The following KHDC1 variants were observed in gnomAD, a reference collection of about 807,000 sequenced individuals.
The protein encoded by KHDC1 is KH homology domain-containing protein 1.
A neutral mutation model predicts 24.7 loss-of-function variants in KHDC1; 21 were observed. That is an observed-to-expected ratio of 0.85 (90% CI 0.60 to 1.23). KHDC1 has a LOEUF of 1.23. KHDC1 is among the 50% of genes most tolerant of loss of function. The pLI is 0.00. For synonymous variants in KHDC1, 98 were observed against 111.7 expected (o/e 0.88, Z 0.77); for missense variants, 274 against 298.5 (o/e 0.92, Z 0.61).
intron 2 of KHDC1, among the ~76,000 whole-genome samples, chr6:73,246,620 T>A (rs989025252): frequency 6.6e-6 from 1 of 152,186 alleles, no homozygotes; most frequent in Non-Finnish European, 1.5e-5. Context: ...TTCTTTGTAA[T>A]CGAGGTCTTA....
intron 2 of KHDC1, among the ~76,000 whole-genome samples, chr6:73,259,736 A>G (rs1225133118): frequency 6.6e-6 from 1 of 152,122 alleles, no homozygotes; most frequent in Non-Finnish European, 1.5e-5. Context: ...CTCAGTTGAG[A>G]GCTTGACAAG....
At chr6:73,309,920 G>C (rs1432976402) in exon 1 of KHDC1, 1 of 544,970 alleles carries the variant, frequency 1.8e-6, no homozygotes. Context: ...GCCACCGCGA[G>C]AAGTGGGCAC....
intron 2 of KHDC1, chr6:73,276,657 C>A (rs1767305381): frequency 6.6e-6 from 1 of 152,088 alleles, no homozygotes; most frequent in Non-Finnish European, 1.5e-5. Flanking sequence ...CAGAAGGAGA[C>A]CCTATCTCAA....
chr6:73,305,140 A>C (rs1200681766), intron 1 of KHDC1, among the ~76,000 whole-genome samples: 1 of 152,066 alleles, frequency 6.6e-6, no homozygotes, highest in East Asian at 1.9e-4. Flanking sequence ...CGGGAGGCTG[A>C]GGCACGAAAA....
chr6:73,244,701 G>A (rs1562244215), intron 2 of KHDC1, among the ~76,000 whole-genome samples: 1 of 136,792 alleles, frequency 7.3e-6, no homozygotes, highest in Non-Finnish European at 1.6e-5. Context: ...GGGCGGGGGG[G>A]CGGGGGGGGG....
intron 2 of KHDC1, among the ~76,000 whole-genome samples, chr6:73,285,083 G>T (rs1378125254): frequency 6.6e-6 from 1 of 152,118 alleles, no homozygotes; most frequent in Admixed American, 6.6e-5. Flanking sequence ...GACCTCAGGT[G>T]ATCTGCCCAC....
At chr6:73,241,679 G>A (rs1409385713) in exon 5 of KHDC1, 2 of 1,614,148 alleles carry the variant, frequency 1.2e-6, no homozygotes, top group East Asian at 2.2e-5. Flanking sequence ...AGGTGACCAG[G>A]TCATCGTTGG....
intron 2 of KHDC1, chr6:73,263,025 C>G: frequency 9.7e-7 from 1 of 1,026,070 alleles, no homozygotes; most frequent in African/African-American, 1.7e-5. Context: ...CAGGCCTGGG[C>G]CACTCCCTGA....
Position 73,254,730 on chromosome 6 carries a change from C to T in KHDC1, c.207-12200G>A, listed in dbSNP as rs114247707. Among the ~76,000 whole-genome samples, 1,203 of 152,026 alleles carry T rather than the reference C, an allele frequency of 7.9e-3. 16 individuals are homozygous for T. Among genetic ancestry groups the T allele is most frequent in the African/African-American group, 0.027 (1,130 of 41,484 alleles). On this transcript the variant is annotated intron_variant, in intron 2 of 4. Transcript: ENST00000370384. ...GAAACAGGTTTCTTATGGCCAGGAG[C>T]GGTGGCTCATGCCTGTAATCCCGGC... is the stretch of plus-strand genomic sequence containing the variant.
intron 2 of KHDC1, among the ~76,000 whole-genome samples, chr6:73,287,940 G>A (rs868564642): frequency 1.3e-5 from 2 of 152,186 alleles, no homozygotes; most frequent in African/African-American, 4.8e-5. Flanking sequence ...CTACTCCTCT[G>A]GGGTGAAATT....
At chr6:73,292,798 T>C in intron 1 of KHDC1, 1 of 711,980 alleles carries the variant, frequency 1.4e-6, no homozygotes, top group Non-Finnish European at 2.6e-6. Context: ...AACAGGAGTC[T>C]TACACATATA....
chr6:73,305,876 C>T (rs1333463797), intron 1 of KHDC1, among the ~76,000 whole-genome samples: 1 of 152,118 alleles, frequency 6.6e-6, no homozygotes, highest in East Asian at 1.9e-4. Context: ...CCAGGATGGT[C>T]TTGAACTCCT....
At chr6:73,272,385 C>T (rs1767196123) in intron 2 of KHDC1, among the ~76,000 whole-genome samples, 1 of 151,768 alleles carries the variant, frequency 6.6e-6, no homozygotes, top group African/African-American at 2.4e-5. Flanking sequence ...CCCACCCACC[C>T]TGGCCTCCCA....
chr6:73,306,379 A>G (rs1468860929), intron 1 of KHDC1, among the ~76,000 whole-genome samples: 1 of 151,964 alleles, frequency 6.6e-6, no homozygotes, highest in Non-Finnish European at 1.5e-5. Flanking sequence ...GTTCCCAGCT[A>G]TTTCCCCATC....
At chr6:73,286,744 A>G (rs1422111944) in intron 2 of KHDC1, among the ~76,000 whole-genome samples, 5 of 152,144 alleles carry the variant, frequency 3.3e-5, no homozygotes, top group African/African-American at 1.2e-4. Flanking sequence ...TTAGCTGGGC[A>G]TGGTAGCTTG....
intron 1 of KHDC1, chr6:73,300,324 C>T (rs1409725290): frequency 1.3e-5 from 2 of 152,226 alleles, no homozygotes; most frequent in Non-Finnish European, 2.9e-5. Flanking sequence ...CTCATTCCCC[C>T]TTCCACTTTC....
intron 2 of KHDC1, among the ~76,000 whole-genome samples, chr6:73,281,877 T>C (rs1318771209): frequency 1.3e-5 from 2 of 152,092 alleles, no homozygotes; most frequent in Non-Finnish European, 2.9e-5. Context: ...TTTTTTGTTT[T>C]TGATGACCTT....
chr6:73,307,031 C>G (rs1767978866), intron 1 of KHDC1, among the ~76,000 whole-genome samples: 1 of 151,432 alleles, frequency 6.6e-6, no homozygotes, highest in Non-Finnish European at 1.5e-5. Context: ...TTCACTTAAA[C>G]CCCCAAACAC....
At chr6:73,282,644 A>G (rs550937794) in intron 2 of KHDC1, among the ~76,000 whole-genome samples, 5 of 152,286 alleles carry the variant, frequency 3.3e-5, no homozygotes, top group African/African-American at 1.2e-4. Context: ...ACTGCTCTTA[A>G]GATCAGTGCT....
Sources: allele counts gnomAD v4.1 joint callset (sites outside exome capture counted in the v4.1 genomes callset), GRCh38; gene constraint gnomAD v4.1.1; transcripts MANE v1.5; gene names NCBI Gene and HGNC (gene_info 2026-07-23, HGNC 2026-07-21).